FNDC3A: variants seen among roughly 807,000 people sequenced by gnomAD.
FNDC3A encodes the protein fibronectin type-III domain-containing protein 3A.
In FNDC3A, 32 loss-of-function variants were observed where a neutral mutation model predicts 148.9. That is an observed-to-expected ratio of 0.21 (90% CI 0.16 to 0.29). The LOEUF is 0.29. Ranked by LOEUF, FNDC3A falls within the 10% of genes least tolerant of loss-of-function variation. The probability of loss-of-function intolerance (pLI) is 1.00; values close to 1 mark genes in which losing one functional copy is unlikely to be tolerated. For missense variants in FNDC3A, 1,191 were observed against 1,452.8 expected, an observed-to-expected ratio of 0.82 and a Z score of 2.93; for synonymous variants, 472 against 473.6, an observed-to-expected ratio of 1.00 and a Z score of 0.04.
Position 49,097,922 on chromosome 13 carries a change from T to A in FNDC3A, c.176-16733T>A, listed in dbSNP as rs1161581166. Among the ~76,000 whole-genome samples, 6 of 152,072 alleles carry A rather than the reference T, an allele frequency of 3.9e-5. No homozygotes were observed. In the East Asian group the frequency reaches 1.2e-3, roughly 29 times the overall value. The stretch of plus-strand genomic sequence containing the variant: ...AAATTGTAAGGCCATAGTGTAGTGC[T>A]CCAAATCTGAATCAAAGTGATATTT... On this transcript the variant is annotated intron_variant, in intron 3 of 25. Transcript: ENST00000492622.
intron 3 of FNDC3A, among the ~76,000 whole-genome samples, chr13:49,080,576 G>A (rs1878404426): frequency 1.3e-5 from 2 of 152,178 alleles, no homozygotes; most frequent in Admixed American, 6.5e-5. Flanking sequence ...TATATTGAGA[G>A]ATACTGTGAA....
chr13:49,018,956 C>G (rs543944901), intron 2 of FNDC3A, among the ~76,000 whole-genome samples: 8 of 152,110 alleles, frequency 5.3e-5, no homozygotes, highest in Admixed American at 4.6e-4. Context: ...GCAGTCTGCC[C>G]GTTCTCAGAT....
At chr13:49,063,456 C>G (rs1047719236) in intron 2 of FNDC3A, among the ~76,000 whole-genome samples, 17 of 151,802 alleles carry the variant, frequency 1.1e-4, no homozygotes, top group African/African-American at 3.4e-4. Flanking sequence ...GGGCCAGGGT[C>G]GAGGATTGTA....
intron 3 of FNDC3A, among the ~76,000 whole-genome samples, chr13:49,080,367 A>G (rs1307268168): frequency 6.6e-6 from 1 of 152,168 alleles, no homozygotes; most frequent in Non-Finnish European, 1.5e-5. Context: ...ATTTCCTGAT[A>G]TGAACCCATA....
intron 3 of FNDC3A, among the ~76,000 whole-genome samples, chr13:49,078,448 G>T (rs1878262484): frequency 6.6e-6 from 1 of 152,158 alleles, no homozygotes; most frequent in Non-Finnish European, 1.5e-5. Flanking sequence ...TTCTCTATAT[G>T]ACAGATTGTA....
At chr13:49,195,724 T>G (rs1396946417) in intron 19 of FNDC3A, among the ~76,000 whole-genome samples, 1 of 152,164 alleles carries the variant, frequency 6.6e-6, no homozygotes, top group East Asian at 1.9e-4. Context: ...TGTTAACAAC[T>G]GAATGTTTCC....
intron 2 of FNDC3A, among the ~76,000 whole-genome samples, chr13:49,024,575 A>G (rs1196490874): frequency 1.3e-5 from 2 of 152,036 alleles, no homozygotes; most frequent in Non-Finnish European, 2.9e-5. Flanking sequence ...ATTGTTCAAC[A>G]TACGTAAATC....
chr13:49,005,201 G>A (rs1010694802), intron 1 of FNDC3A, among the ~76,000 whole-genome samples: 8 of 150,464 alleles, frequency 5.3e-5, no homozygotes, highest in South Asian at 2.1e-4. Flanking sequence ...AAATCAACTT[G>A]TGAGATTCAG....
intron 14 of FNDC3A, among the ~76,000 whole-genome samples, chr13:49,183,747 A>T (rs1479619815): frequency 6.6e-6 from 1 of 152,220 alleles, no homozygotes; most frequent in Non-Finnish European, 1.5e-5. Flanking sequence ...GAGAGGACTG[A>T]GGAAGCCTGA....
chr13:49,033,782 A>G (rs1020419459), intron 2 of FNDC3A, among the ~76,000 whole-genome samples: 1 of 151,944 alleles, frequency 6.6e-6, no homozygotes, highest in African/African-American at 2.4e-5. Context: ...TCAAGGAGTA[A>G]GATCATGTTA....
intron 3 of FNDC3A, among the ~76,000 whole-genome samples, chr13:49,081,647 C>T (rs1202145203): frequency 6.6e-6 from 1 of 152,066 alleles, no homozygotes; most frequent in Non-Finnish European, 1.5e-5. Context: ...GAACCCAAGA[C>T]CTACATCATA....
At chr13:49,180,736 A>G (rs1263430016) in intron 14 of FNDC3A, among the ~76,000 whole-genome samples, 1 of 152,080 alleles carries the variant, frequency 6.6e-6, no homozygotes, top group Non-Finnish European at 1.5e-5. Flanking sequence ...AAGCTAATCA[A>G]ATTTCTATTT....
chr13:49,187,797 G>A, intron 16 of FNDC3A: 1 of 648,608 alleles, frequency 1.5e-6, no homozygotes, highest in South Asian at 1.9e-5. Context: ...GATTTTGCCT[G>A]TTATGATCCA....
Position 48,997,122 on chromosome 13 carries a change from T to C in FNDC3A, c.-39-9030T>C, listed in dbSNP as rs919578497. Among the ~76,000 whole-genome samples, 5 of 151,932 alleles carry C rather than the reference T, an allele frequency of 3.3e-5. No individual in the cohort carries two copies. The East Asian group carries it at 9.7e-4, about 29-fold the overall frequency. ...AATCTAAATGTACATATTTTTCCTA[T>C]CAGTACTTCAGTTATAGTATTGCTG... On this transcript the variant is annotated intron_variant, in intron 1 of 25. Coordinates refer to ENST00000492622, the MANE Select transcript of FNDC3A (RefSeq NM_001079673.2).
chr13:49,021,565 C>G (rs1873329635), intron 2 of FNDC3A, among the ~76,000 whole-genome samples: 1 of 152,146 alleles, frequency 6.6e-6, no homozygotes, highest in African/African-American at 2.4e-5. Flanking sequence ...TTTTCCAAGG[C>G]TTTTGTGAAG....
At chr13:49,128,813 G>T (rs1881859908) in intron 4 of FNDC3A, among the ~76,000 whole-genome samples, 1 of 152,128 alleles carries the variant, frequency 6.6e-6, no homozygotes, top group Non-Finnish European at 1.5e-5. Flanking sequence ...TACCTTAGGG[G>T]CTTTATTCTA....
Position 49,197,788 on chromosome 13 carries a change from A to G in FNDC3A, c.2404A>G (p.Ser802Gly), listed in dbSNP as rs368973080. 29 of 1,611,210 alleles carry G rather than the reference A, an allele frequency of 1.8e-5. No individual in the cohort carries two copies. The African/African-American group carries it at 3.7e-4, about 21-fold the overall frequency. ...ACTGGAGTGGGGAGGAGTTGAAGGA[A>G]GTATGCAGATATGTTACTGTGGGCC... is the stretch of plus-strand genomic sequence containing the variant. ...YRLEWGGVEGSMQICYCGPGL... is the reference protein window; with the variant it reads ...YRLEWGGVEGGMQICYCGPGL... The change falls in exon 21 of 26, where the codon AGT becomes GGT. Residue 802 changes from serine to glycine, a missense_variant. By Grantham distance (56) the Ser-to-Gly change is moderately conservative. Coordinates refer to ENST00000492622, the MANE Select transcript of FNDC3A (RefSeq NM_001079673.2).
chr13:49,180,624 A>G (rs1247545006), intron 14 of FNDC3A, among the ~76,000 whole-genome samples: 2 of 152,202 alleles, frequency 1.3e-5, no homozygotes, highest in African/African-American at 4.8e-5. Flanking sequence ...TGTTAAGTTT[A>G]TGAAAATCCT....
intron 14 of FNDC3A, among the ~76,000 whole-genome samples, chr13:49,180,191 G>A (rs905719604): frequency 1.3e-5 from 2 of 152,054 alleles, no homozygotes; most frequent in Non-Finnish European, 2.9e-5. Context: ...TTCATCATCA[G>A]TGAGAAACTT....
Sources: allele counts gnomAD v4.1 joint callset (sites outside exome capture counted in the v4.1 genomes callset), GRCh38; gene constraint gnomAD v4.1.1; transcripts MANE v1.5; gene names NCBI Gene and HGNC (gene_info 2026-07-23, HGNC 2026-07-21).